Variants in RASGRF2 observed in about 807,000 individuals in gnomAD.
RASGRF2 encodes the protein Ras protein specific guanine nucleotide releasing factor 2.
RASGRF2 carries 76 observed loss-of-function variants against 151.0 expected under a neutral mutation model. That is an observed-to-expected ratio of 0.50 (90% confidence interval 0.42 to 0.61). RASGRF2 has a LOEUF of 0.61. RASGRF2 is among the 20% of genes least tolerant of loss of function. RASGRF2 has a pLI of 0.00. For synonymous variants in RASGRF2, 504 were observed against 566.5 expected, an observed-to-expected ratio of 0.89 and a Z score of 1.57; for missense variants, 1,148 against 1,564.6, an observed-to-expected ratio of 0.73 and a Z score of 4.49.
At chr5:80,966,965 G>A (rs892083532) in intron 1 of RASGRF2, among the ~76,000 whole-genome samples, 2 of 152,148 alleles carry the variant, frequency 1.3e-5, no homozygotes, top group African/African-American at 4.8e-5. Flanking sequence ...CAAGAAATGA[G>A]ACAGAAAGTT....
intron 9 of RASGRF2, 120 bp downstream of exon 9, chr5:81,087,073 C>T (rs920695904): frequency 2.1e-6 from 2 of 935,386 alleles, no homozygotes; most frequent in South Asian, 1.4e-5. Flanking sequence ...AGGACCCCCC[C>T]ACGGCCTTCG....
intron 7 of RASGRF2, among the ~76,000 whole-genome samples, chr5:81,081,680 G>T (rs1186919203): frequency 6.6e-6 from 1 of 152,206 alleles, no homozygotes; most frequent in Non-Finnish European, 1.5e-5. Context: ...TCCTGCGCAG[G>T]CATCTCTGAC....
intron 1 of RASGRF2, among the ~76,000 whole-genome samples, chr5:80,991,085 G>A (rs1748633986): frequency 6.6e-6 from 1 of 152,074 alleles, no homozygotes; most frequent in Non-Finnish European, 1.5e-5. Flanking sequence ...TGAACTTCAG[G>A]TACCTTAGAG....
chr5:81,140,216 A>G (rs1231836572), intron 17 of RASGRF2, among the ~76,000 whole-genome samples: 1 of 152,116 alleles, frequency 6.6e-6, no homozygotes, highest in Non-Finnish European at 1.5e-5. Context: ...GTATCCAAGG[A>G]TACTTCTTTT....
chr5:81,203,024 T>C (rs1755431882), intron 19 of RASGRF2, among the ~76,000 whole-genome samples: 1 of 152,224 alleles, frequency 6.6e-6, no homozygotes, highest in African/African-American at 2.4e-5. Context: ...AGGAAACAGT[T>C]AGGGGCCTTC....
At chr5:81,161,112 G>T (rs1754373322) in intron 17 of RASGRF2, among the ~76,000 whole-genome samples, 1 of 152,164 alleles carries the variant, frequency 6.6e-6, no homozygotes, top group South Asian at 2.1e-4. Flanking sequence ...TGAGGATTAT[G>T]TTGTCCTAAG....
chr5:81,055,492 TG>T (rs1751171807), intron 2 of RASGRF2, among the ~76,000 whole-genome samples: 1 of 152,200 alleles, frequency 6.6e-6, no homozygotes, highest in African/African-American at 2.4e-5. Context: ...TTGATCATGG[TG>T]GATAAGCTTT....
At chr5:81,141,828 T>G (rs1008931472) in intron 17 of RASGRF2, among the ~76,000 whole-genome samples, 1 of 152,208 alleles carries the variant, frequency 6.6e-6, no homozygotes, top group Middle Eastern at 3.2e-3. Context: ...GTGATTTCAT[T>G]CACAGCATTG....
chr5:81,172,279 TA>T (rs1238650676), intron 17 of RASGRF2, among the ~76,000 whole-genome samples: 1 of 152,156 alleles, frequency 6.6e-6, no homozygotes, highest in Non-Finnish European at 1.5e-5. Context: ...ACATGTTGTT[TA>T]AAAAAACTAT....
rs549630697 is a variant in RASGRF2, at chr5:81,099,512, A to G, written c.1755+4520A>G. 5.9e-5 allele frequency among the ~76,000 whole-genome samples: 9 copies of G among 152,298 alleles called. No individual in the cohort carries two copies. In the East Asian group the frequency reaches 1.5e-3, roughly 26 times the overall value. Reference sequence around the variant, plus strand: ...ATAGTTAGAGTATAAGGCTGGTGTAAAAAGCCTGATCACTCTCCTTATTTC... The same window carrying G: ...ATAGTTAGAGTATAAGGCTGGTGTAGAAAGCCTGATCACTCTCCTTATTTC... On this transcript the variant is annotated intron_variant, in intron 12 of 26. Transcript: ENST00000265080.
intron 1 of RASGRF2, among the ~76,000 whole-genome samples, chr5:81,030,018 G>A (rs950413106): frequency 1.3e-5 from 2 of 152,216 alleles, no homozygotes; most frequent in Non-Finnish European, 2.9e-5. Context: ...ACAGGCTTCA[G>A]TAGCCAATTC....
At chr5:81,064,886 A>ATCAT (rs1306599434) in intron 2 of RASGRF2, among the ~76,000 whole-genome samples, 5 of 152,216 alleles carry the variant, frequency 3.3e-5, no homozygotes, top group African/African-American at 1.2e-4. Flanking sequence ...TACTGAAGAT[A>ATCAT]TCATTACAGT....
At chr5:81,194,442 CTT>C (rs71884545) in intron 18 of RASGRF2, among the ~76,000 whole-genome samples, 1 of 144,278 alleles carries the variant, frequency 6.9e-6, no homozygotes, top group African/African-American at 2.5e-5. Flanking sequence ...GTTTTTTGTT[CTT>C]TTTTTTTTTA....
intron 5 of RASGRF2, among the ~76,000 whole-genome samples, chr5:81,076,374 A>G (rs1580285529): frequency 6.6e-6 from 1 of 152,224 alleles, no homozygotes; most frequent in Non-Finnish European, 1.5e-5. Context: ...AGGTCAAGAG[A>G]TTGTCATTAG....
chr5:81,174,348 G>C (rs1754725353), intron 17 of RASGRF2, among the ~76,000 whole-genome samples: 2 of 152,256 alleles, frequency 1.3e-5, no homozygotes. Flanking sequence ...TTGGGGTACT[G>C]TTGGAACTGG....
intron 1 of RASGRF2, among the ~76,000 whole-genome samples, chr5:81,036,655 C>T (rs1172523384): frequency 6.6e-6 from 1 of 151,978 alleles, no homozygotes; most frequent in Non-Finnish European, 1.5e-5. Context: ...TATACCTATT[C>T]CAGATATTTT....
At chr5:81,054,150 T>C (rs1019500675) in intron 2 of RASGRF2, among the ~76,000 whole-genome samples, 2 of 152,282 alleles carry the variant, frequency 1.3e-5, no homozygotes, top group African/African-American at 4.8e-5. Context: ...TTTGTCAATT[T>C]TGGCTTTTGT....
At chr5:81,004,002 G>A (rs1749181742) in intron 1 of RASGRF2, among the ~76,000 whole-genome samples, 1 of 152,120 alleles carries the variant, frequency 6.6e-6, no homozygotes, top group Non-Finnish European at 1.5e-5. Context: ...TGCTAACAAG[G>A]GTGCTAGTCA....
intron 17 of RASGRF2, among the ~76,000 whole-genome samples, chr5:81,171,703 A>G (rs935939244): frequency 1.3e-5 from 2 of 152,146 alleles, no homozygotes; most frequent in Non-Finnish European, 2.9e-5. Context: ...AGAGCACTCT[A>G]TTTTAATTTT....
Sources: allele counts gnomAD v4.1 joint callset (sites outside exome capture counted in the v4.1 genomes callset), GRCh38; gene constraint gnomAD v4.1.1; transcripts MANE v1.5; gene names NCBI Gene and HGNC (gene_info 2026-07-23, HGNC 2026-07-21).